The following CAMTA1 variants were observed in gnomAD, a reference collection of about 807,000 sequenced individuals.
CAMTA1 encodes calmodulin binding transcription activator 1, also known as calmodulin-binding transcription activator 1.
CAMTA1 carries 27 observed loss-of-function variants against 170.9 expected under a neutral mutation model. That is an observed-to-expected ratio of 0.16 (90% CI 0.12 to 0.22). The LOEUF (loss-of-function observed/expected upper bound fraction) is 0.22, where lower values mean the gene tolerates loss of function less well. Among genes scored for constraint, CAMTA1 ranks in the 10% least tolerant of loss-of-function variants. The pLI, the probability that CAMTA1 is intolerant of heterozygous loss-of-function variation, is 1.00. For missense variants in CAMTA1, 1,619 were observed against 2,217.2 expected, an observed-to-expected ratio of 0.73 and a Z score of 5.42; for synonymous variants, 833 against 891.5, an observed-to-expected ratio of 0.93 and a Z score of 1.17.
chr1:7,599,656 G>A (rs1238735503), intron 6 of CAMTA1, among the ~76,000 whole-genome samples: 2 of 152,064 alleles, frequency 1.3e-5, no homozygotes, highest in Non-Finnish European at 1.5e-5. Context: ...GGTCCTTCAT[G>A]TCCCTTGTAA....
At chr1:7,462,990 G>A (rs1386682350) in intron 5 of CAMTA1, among the ~76,000 whole-genome samples, 2 of 152,232 alleles carry the variant, frequency 1.3e-5, no homozygotes, top group African/African-American at 4.8e-5. Context: ...GGGGACCTGA[G>A]CTGGACTCCA....
At position 6,897,499 on chromosome 1, in the gene CAMTA1, G is replaced by A. The variant is rs899724263; in HGVS notation, c.234+72289G>A. ...TATATACACCCCCAGATTGTATATCGCTTTTCTGATTTGACTTTTTGGCTG... is the reference window on the plus strand; with the variant it reads ...TATATACACCCCCAGATTGTATATCACTTTTCTGATTTGACTTTTTGGCTG... On this transcript the variant is annotated intron_variant, in intron 3 of 22. Coordinates refer to ENST00000303635, the MANE Select transcript of CAMTA1 (RefSeq NM_015215.4). Among the ~76,000 whole-genome samples the A allele has an allele frequency of 1.8e-3, 58 of 32,824 alleles. 1 individual carries two copies. The highest frequency in any genetic ancestry group is 6.9e-3 in the African/African-American group (58 of 8,366). 21.5% of individuals were successfully genotyped at this position (32,824 alleles called of 152,430 possible). A position where few individuals can be genotyped will look rare whatever the true frequency, so the allele number is the denominator to read the frequency against.
At position 7,760,001 on chromosome 1, in the gene CAMTA1, G is replaced by A. The variant is rs181055127; in HGVS notation, c.4989+4333G>A. Among the ~76,000 whole-genome samples the A allele has an allele frequency of 1.5e-4, 23 of 152,244 alleles. No homozygotes were observed. The East Asian group carries it at 4.2e-3, about 28-fold the overall frequency. ...TACGAGACACTATTTCTGTGAGAAG[G>A]CTTTATAAACTGTAACAATCACTAT... On this transcript the variant is annotated intron_variant, in intron 22 of 22. Coordinates refer to ENST00000303635, the MANE Select transcript of CAMTA1 (RefSeq NM_015215.4).
At chr1:6,872,993 C>T (rs189627110) in intron 3 of CAMTA1, among the ~76,000 whole-genome samples, 4 of 152,264 alleles carry the variant, frequency 2.6e-5, no homozygotes, top group Admixed American at 6.5e-5. Context: ...TAAAATTAGT[C>T]GTGGTTAGCT....
chr1:7,322,653 G>A (rs1036182207), intron 5 of CAMTA1, among the ~76,000 whole-genome samples: 1 of 152,114 alleles, frequency 6.6e-6, no homozygotes, highest in African/African-American at 2.4e-5. Context: ...CTAATAATTT[G>A]TCCATTTCTC....
chr1:7,637,065 G>T (rs1400720956), intron 6 of CAMTA1, among the ~76,000 whole-genome samples: 1 of 152,262 alleles, frequency 6.6e-6, no homozygotes, highest in Non-Finnish European at 1.5e-5. Context: ...GGAGGCTGAG[G>T]CCTGCAGGCA....
rs1314941303 is a variant in CAMTA1 at position 7,592,114 on chromosome 1, G to C, written c.511-48286G>C. 6.6e-6 allele frequency among the ~76,000 whole-genome samples: 1 copy of C among 151,994 alleles called. No homozygotes were observed. The highest frequency in any genetic ancestry group is 1.5e-5 in the Non-Finnish European group (1 of 68,012). ...GGGTTTCATCATGTTGGCCAGGCTGGTCTCGAACTCCTGACCTCAGATGAT... is the reference window on the plus strand; with the variant it reads ...GGGTTTCATCATGTTGGCCAGGCTGCTCTCGAACTCCTGACCTCAGATGAT... On this transcript the variant is annotated intron_variant, in intron 6 of 22. Transcript: ENST00000303635. The surrounding 1 kb of genome is among the most constrained non-coding windows in gnomAD (Gnocchi z 4.6).
At chr1:7,193,244 C>T (rs1391179640) in intron 4 of CAMTA1, among the ~76,000 whole-genome samples, 4 of 151,570 alleles carry the variant, frequency 2.6e-5, no homozygotes, top group African/African-American at 7.3e-5. Flanking sequence ...CCCAGCTACT[C>T]GGGAGCCTGA....
rs372360997 is a variant in CAMTA1, at chr1:7,562,496, C to T, written c.511-77904C>T. ...CCAGGCTGGCAGACGGCTCTGCCCA[C>T]TCCCGCCCGCCTGCGACACCTGTCC... On this transcript the variant is annotated intron_variant, in intron 6 of 22. Coordinates refer to ENST00000303635, the MANE Select transcript of CAMTA1 (RefSeq NM_015215.4). This position sits in a 1 kb window ranked among gnomAD's most constrained non-coding sequence, Gnocchi z 4.8. Among the ~76,000 whole-genome samples, 20 of 152,308 alleles carry T rather than the reference C, an allele frequency of 1.3e-4. No homozygotes were observed. The highest frequency in any genetic ancestry group is 6.5e-4 in the Admixed American group (10 of 15,308).
chr1:7,371,696 C>A (rs845219), intron 5 of CAMTA1, among the ~76,000 whole-genome samples: 95,712 of 152,110 alleles, frequency 0.63, 31,975 homozygotes, highest in Middle Eastern at 0.76. Context: ...GGTGGTGCAG[C>A]AGCTGCCTGC....
At chr1:7,595,467 T>G (rs2150520865) in intron 6 of CAMTA1, among the ~76,000 whole-genome samples, 1 of 152,346 alleles carries the variant, frequency 6.6e-6, no homozygotes, top group South Asian at 2.1e-4. Context: ...TGGTTCTTCT[T>G]TAAACGAAGA....
intron 6 of CAMTA1, among the ~76,000 whole-genome samples, chr1:7,529,114 G>A (rs902744176): frequency 3.9e-5 from 6 of 152,346 alleles, no homozygotes; most frequent in Admixed American, 3.3e-4. Flanking sequence ...CCACGGGTCT[G>A]TTGTGGATAT....
At chr1:7,264,911 T>A in intron 5 of CAMTA1, among the ~76,000 whole-genome samples, 1 of 152,214 alleles carries the variant, frequency 6.6e-6, no homozygotes, top group Non-Finnish European at 1.5e-5. Flanking sequence ...TAAGTTTGAC[T>A]TTTGTTTATA....
At chr1:7,304,427 A>G (rs1675272904) in intron 5 of CAMTA1, among the ~76,000 whole-genome samples, 1 of 152,244 alleles carries the variant, frequency 6.6e-6, no homozygotes, top group Non-Finnish European at 1.5e-5. Flanking sequence ...GTGACTATGT[A>G]AAATAAATTA....
At position 7,234,511 on chromosome 1, in the gene CAMTA1, C is replaced by T. The variant is rs1663439240; in HGVS notation, c.303-14980C>T. On this transcript the variant is annotated intron_variant, in intron 4 of 22. Coordinates refer to ENST00000303635, the MANE Select transcript of CAMTA1 (RefSeq NM_015215.4). This position sits in a 1 kb window ranked among gnomAD's most constrained non-coding sequence, Gnocchi z 5.0. ...CTGTGCAGAGGCAGGGCTGTGGCAC[C>T]CTCAGCACCCGGCGTGAATGCTCAG... Among the ~76,000 whole-genome samples the T allele has an allele frequency of 6.6e-6, 1 of 152,222 alleles. No homozygotes were observed. Among genetic ancestry groups the T allele is most frequent in the South Asian group, 2.1e-4 (1 of 4,834 alleles).
intron 6 of CAMTA1, among the ~76,000 whole-genome samples, chr1:7,538,683 T>A (rs547356634): frequency 6.6e-6 from 1 of 152,202 alleles, no homozygotes; most frequent in South Asian, 2.1e-4. Flanking sequence ...ACAAACTATA[T>A]AGACCTCAGA....
chr1:7,621,765 G>GCAGGTC (rs2095600228), intron 6 of CAMTA1, among the ~76,000 whole-genome samples: 1 of 152,184 alleles, frequency 6.6e-6, no homozygotes, highest in Non-Finnish European at 1.5e-5. Context: ...GCAATCCCGA[G>GCAGGTC]CAGGTCGGGG....
chr1:7,287,230 G>A (rs184006782), intron 5 of CAMTA1, among the ~76,000 whole-genome samples: 17 of 152,280 alleles, frequency 1.1e-4, no homozygotes, highest in African/African-American at 3.6e-4. Context: ...CAGCCAGGGG[G>A]AGACAGGGCC....
In CAMTA1 at chr1:7,744,870, A is replaced by T; in HGVS notation, c.4218A>T (p.Glu1406Asp). The change falls in exon 17 of 23, where the codon GAA (glutamate) becomes GAT (aspartate). Residue 1406 changes from glutamate to aspartate, a missense_variant. Glu to Asp is a conservative substitution (Grantham distance 45). Coordinates refer to ENST00000303635, the MANE Select transcript of CAMTA1 (RefSeq NM_015215.4). ...NMMTLAEHII[E>D]ATPDRIKQEN... ...TGACCTTGGCAGAACACATTATTGA[A>T]GCCACACCTGACCGAATCAAGCAGG... 1 of 1,614,014 alleles carries T rather than the reference A, an allele frequency of 6.2e-7. No individual in the cohort carries two copies. Among genetic ancestry groups the T allele is most frequent in the Non-Finnish European group, 8.5e-7 (1 of 1,179,972 alleles).
Sources: gnomAD v4.1 joint callset for allele counts (sites outside exome capture counted in the v4.1 genomes callset) on GRCh38, gnomAD v4.1.1 for gene constraint, Gnocchi (gnomAD v3.1) non-coding constraint, MANE v1.5 for transcripts, NCBI Gene and HGNC (gene_info 2026-07-23, HGNC 2026-07-21) for gene names.